Variants in MGMT observed in about 807,000 individuals in gnomAD.
MGMT encodes O-6-methylguanine-DNA methyltransferase.
A neutral mutation model predicts 15.9 loss-of-function variants in MGMT; 14 were observed. The ratio of observed to expected loss-of-function variants is 0.88; its 90% CI spans 0.58 to 1.37. MGMT has a LOEUF of 1.37. MGMT is among the 40% of genes most tolerant of loss of function. The pLI, the probability that MGMT is intolerant of heterozygous loss-of-function variation, is 0.00. For synonymous variants in MGMT, 130 were observed against 118.2 expected (o/e 1.10, Z -0.65); for missense variants, 282 against 268.1 (o/e 1.05, Z -0.36).
chr10:129,544,607 TG>T (rs939765133), intron 2 of MGMT, among the ~76,000 whole-genome samples: 1 of 152,180 alleles, frequency 6.6e-6, no homozygotes, highest in Non-Finnish European at 1.5e-5. Context: ...CCCTGTTGCG[TG>T]GGTGGGCCAC....
Position 129,707,886 on chromosome 10 carries a change from C to T in MGMT, c.126-9C>T. On this transcript the variant is annotated splice_polypyrimidine_tract_variant and intron_variant, in intron 2 of 4. Transcript: ENST00000651593. ...GAGGTTTACTAAGCCCCTGTTCTCA[C>T]TTTTGCAGTGCCGTGGAGGTCCCAG... 2 of 1,610,420 alleles carry T rather than the reference C, an allele frequency of 1.2e-6. No individual in the cohort carries two copies. Among genetic ancestry groups the T allele is most frequent in the Non-Finnish European group, 1.7e-6 (2 of 1,179,956 alleles).
chr10:129,520,527 A>ACGGTGTG (rs1410334016), intron 1 of MGMT, among the ~76,000 whole-genome samples: 1 of 149,262 alleles, frequency 6.7e-6, no homozygotes, highest in African/African-American at 2.5e-5. Context: ...CAGAGCCTCT[A>ACGGTGTG]CAGTGCATGT....
chr10:129,479,662 C>T (rs570015587), intron 1 of MGMT, among the ~76,000 whole-genome samples: 6 of 152,016 alleles, frequency 3.9e-5, no homozygotes, highest in South Asian at 2.1e-4. Context: ...CATTTTCCTA[C>T]GAGGGCAGAC....
At chr10:129,650,397 C>A (rs1298455632) in intron 2 of MGMT, among the ~76,000 whole-genome samples, 1 of 152,164 alleles carries the variant, frequency 6.6e-6, no homozygotes, top group East Asian at 1.9e-4. Flanking sequence ...GACCTAAAGC[C>A]CTTGCTGGCC....
intron 2 of MGMT, among the ~76,000 whole-genome samples, chr10:129,663,197 G>A (rs1262356247): frequency 6.6e-6 from 1 of 152,172 alleles, no homozygotes; most frequent in Non-Finnish European, 1.5e-5. Context: ...TCTGATCACA[G>A]TGCAATAAAA....
intron 1 of MGMT, among the ~76,000 whole-genome samples, chr10:129,526,743 C>A (rs1159123375): frequency 6.6e-6 from 1 of 152,140 alleles, no homozygotes; most frequent in Non-Finnish European, 1.5e-5. Context: ...CAAAGATGGT[C>A]CTGGAAGGAC....
At chr10:129,759,800 C>T (rs1018220253) in intron 4 of MGMT, among the ~76,000 whole-genome samples, 4 of 152,234 alleles carry the variant, frequency 2.6e-5, no homozygotes, top group Admixed American at 2.6e-4. Context: ...CATCCAACCC[C>T]ATCTCTCTGT....
intron 1 of MGMT, among the ~76,000 whole-genome samples, chr10:129,494,401 A>C (rs1589834941): frequency 6.6e-6 from 1 of 152,232 alleles, no homozygotes; most frequent in African/African-American, 2.4e-5. Context: ...TGACCTGCTC[A>C]GTGGCCAGCC....
intron 2 of MGMT, among the ~76,000 whole-genome samples, chr10:129,619,566 A>AT (rs923924558): frequency 5.3e-5 from 8 of 151,590 alleles, no homozygotes; most frequent in East Asian, 3.9e-4. Context: ...TAGGATTGGT[A>AT]TTTTTTTTAT....
intron 2 of MGMT, chr10:129,701,554 A>C (rs569120131): frequency 3.0e-4 from 46 of 152,252 alleles, no homozygotes; most frequent in African/African-American, 1.0e-3. Flanking sequence ...ATCTTAAGGC[A>C]CCCAAAAATC....
chr10:129,662,951 G>A (rs967753984), intron 2 of MGMT, among the ~76,000 whole-genome samples: 6 of 152,094 alleles, frequency 3.9e-5, no homozygotes, highest in South Asian at 4.2e-4. Context: ...ATAGCAACAC[G>A]GAAATTGTCA....
rs930523158 is a variant in MGMT, at chr10:129,638,629, C to T, written c.126-69266C>T. On this transcript the variant is annotated intron_variant, in intron 2 of 4. Coordinates refer to ENST00000651593, the MANE Select transcript of MGMT (RefSeq NM_002412.5). Reference sequence around the variant, plus strand: ...GAAGAGAATGGAGGCATGTTTTCAGCGTATTAAAGGAAAATAACTTAGAAC... The same window carrying T: ...GAAGAGAATGGAGGCATGTTTTCAGTGTATTAAAGGAAAATAACTTAGAAC... Among the ~76,000 whole-genome samples, 7 of 151,792 alleles carry T rather than the reference C, an allele frequency of 4.6e-5. No homozygotes were observed. The East Asian group carries it at 1.2e-3, about 25-fold the overall frequency.
At chr10:129,764,656 G>A (rs977620704) in intron 4 of MGMT, among the ~76,000 whole-genome samples, 2 of 152,240 alleles carry the variant, frequency 1.3e-5, no homozygotes, top group African/African-American at 4.8e-5. Flanking sequence ...TCATTTCTCT[G>A]TTGAGCTGGG....
chr10:129,715,284 T>C (rs1157398616), intron 3 of MGMT, among the ~76,000 whole-genome samples: 2 of 152,264 alleles, frequency 1.3e-5, no homozygotes, highest in Non-Finnish European at 2.9e-5. Flanking sequence ...ATCGTAATTA[T>C]GTGAATGCCT....
intron 2 of MGMT, among the ~76,000 whole-genome samples, chr10:129,649,133 C>G (rs1847428942): frequency 6.6e-6 from 1 of 152,184 alleles, no homozygotes; most frequent in African/African-American, 2.4e-5. Flanking sequence ...GCGTAAATCA[C>G]AGCCCCCTGT....
rs1418611280 is a variant in MGMT at position 129,661,997 on chromosome 10, G to T, written c.126-45898G>T. Among the ~76,000 whole-genome samples, 4 of 152,068 alleles carry T rather than the reference G, an allele frequency of 2.6e-5. No homozygotes were observed. The East Asian group carries it at 7.7e-4, about 29-fold the overall frequency. On this transcript the variant is annotated intron_variant, in intron 2 of 4. Transcript: ENST00000651593. ...TTCCTGTGTGTGGGTCTAGATACAG[G>T]CTCTGTTCTGTCCATTGCTATTCCT...
intron 1 of MGMT, among the ~76,000 whole-genome samples, chr10:129,472,246 G>A (rs1369128808): frequency 6.6e-6 from 1 of 152,052 alleles, no homozygotes; most frequent in Non-Finnish European, 1.5e-5. Flanking sequence ...TTCCTAGCTG[G>A]GTCCCCCTGG....
chr10:129,600,691 C>A (rs1846810937), intron 2 of MGMT, among the ~76,000 whole-genome samples: 2 of 152,188 alleles, frequency 1.3e-5, no homozygotes, highest in Non-Finnish European at 2.9e-5. Context: ...CCCCCATAGG[C>A]TGCCCGCAAA....
intron 1 of MGMT, among the ~76,000 whole-genome samples, chr10:129,522,193 C>G (rs1354178611): frequency 6.6e-6 from 1 of 152,212 alleles, no homozygotes; most frequent in East Asian, 1.9e-4. Flanking sequence ...AAGTTTTACT[C>G]AGATCTTCTT....
Sources: gnomAD v4.1 joint callset for allele counts (sites outside exome capture counted in the v4.1 genomes callset) on GRCh38, gnomAD v4.1.1 for gene constraint, MANE v1.5 for transcripts, NCBI Gene and HGNC (gene_info 2026-07-23, HGNC 2026-07-21) for gene names.